ACOX2: variants seen among roughly 807,000 people sequenced by gnomAD.
The protein encoded by ACOX2 is acyl-CoA oxidase 2, also known as peroxisomal acyl-coenzyme A oxidase 2.
Under a neutral mutation model 77.5 loss-of-function variants are expected in ACOX2, and 59 were observed. The ratio of observed to expected loss-of-function variants is 0.76; its 90% CI spans 0.62 to 0.95. The LOEUF (loss-of-function observed/expected upper bound fraction) is 0.95, where lower values mean the gene tolerates loss of function less well. ACOX2 is among the 40% of genes least tolerant of loss of function. The pLI is 0.00. For synonymous variants in ACOX2, 317 were observed against 340.1 expected (o/e 0.93, Z 0.75); for missense variants, 837 against 880.4 (o/e 0.95, Z 0.62).
Position 58,531,254 on chromosome 3 carries a change from T to A in ACOX2, c.816A>T (p.Ala272=). 6.2e-7 allele frequency: 1 copy of A among 1,612,390 alleles called. No homozygotes were observed. Among genetic ancestry groups the A allele is most frequent in the Non-Finnish European group, 8.5e-7 (1 of 1,179,816 alleles). Residue 272 remains alanine (A), a synonymous_variant, in exon 7 of 15, where the codon GCA becomes GCT. Coordinates refer to ENST00000302819, the MANE Select transcript of ACOX2 (RefSeq NM_003500.4). The surrounding 1 kb of genome is among the most constrained non-coding windows in gnomAD (Gnocchi z 5.8). Reference sequence around the variant, plus strand: ...CCGGCCTCCCCAGATCTGTAACCTGTGCAAAGCGACTCAGCATGTTCTCCC... The same window carrying A: ...CCGGCCTCCCCAGATCTGTAACCTGAGCAAAGCGACTCAGCATGTTCTCCC... ...VPRENMLSRF[A]QVLPDGTYVK... is the part of the protein sequence containing the mutation.
At position 58,526,615 on chromosome 3, in the gene ACOX2, T is replaced by G; in HGVS notation, c.1197A>C (p.Glu399Asp). ...ACATCTCAGCTCCCTGGGTGCAGAA[T>G]TCTGACATCATGGCCTTCATGCCCG... ...LSTGMKAMMS[E>D]FCTQGAEMCR... Residue 399 changes from glutamate to aspartate, a missense_variant, in exon 10 of 15, where the codon GAA becomes GAC. By Grantham distance (45) the Glu-to-Asp change is conservative. Transcript: ENST00000302819. This position sits in a 1 kb window ranked among gnomAD's most constrained non-coding sequence, Gnocchi z 4.3. The G allele has an allele frequency of 6.2e-7, 1 of 1,614,182 alleles. No homozygotes were observed. The highest frequency in any genetic ancestry group is 8.5e-7 in the Non-Finnish European group (1 of 1,180,034).
At position 58,533,555 on chromosome 3, in the gene ACOX2, T is replaced by C; in HGVS notation, c.476-3A>G. ...CTCCAGGCCCTGAAGATATGTCCCT[T>C]AGGATCAAGGAGAGGTGTTAGACAT... On this transcript the variant is annotated splice_polypyrimidine_tract_variant and splice_region_variant and intron_variant, in intron 4 of 14. Coordinates refer to ENST00000302819, the MANE Select transcript of ACOX2 (RefSeq NM_003500.4). This position sits in a 1 kb window ranked among gnomAD's most constrained non-coding sequence, Gnocchi z 5.6. 1 of 1,613,620 alleles carries C rather than the reference T, an allele frequency of 6.2e-7. No homozygotes were observed.
In ACOX2 at chr3:58,508,929, C is replaced by T. The variant is rs950300380; in HGVS notation, c.1947G>A (p.Leu649=). 6.2e-7 allele frequency: 1 copy of T among 1,614,220 alleles called. No homozygotes were observed. Among genetic ancestry groups the T allele is most frequent in the African/African-American group, 1.3e-5 (1 of 75,072 alleles). ...GCYDGNVYER[L]FQWAQKSPTN... ...TTGGTGACTTCTGAGCCCACTGGAACAGGCGTTCGTAGACGTTTCCATCAT... is the reference window on the plus strand; with the variant it reads ...TTGGTGACTTCTGAGCCCACTGGAATAGGCGTTCGTAGACGTTTCCATCAT... The change falls in exon 14 of 15, where the codon CTG becomes CTA. Residue 649 remains leucine, a synonymous_variant. Transcript: ENST00000302819.
chr3:58,515,902 C>T lies in ACOX2; in HGVS notation c.1850+1304G>A, dbSNP rs1410404663. ...AATCAATCCTCCTACCTCAGCCTCC[C>T]GAGTAGCTGAGACTACAGGTGTGTG... On this transcript the variant is annotated intron_variant, in intron 13 of 14. Coordinates refer to ENST00000302819, the MANE Select transcript of ACOX2 (RefSeq NM_003500.4). The surrounding 1 kb of genome is among the most constrained non-coding windows in gnomAD (Gnocchi z 4.0). 6.6e-6 allele frequency among the ~76,000 whole-genome samples: 1 copy of T among 151,938 alleles called. No homozygotes were observed. The highest frequency in any genetic ancestry group is 6.6e-5 in the Admixed American group (1 of 15,254).
intron 5 of ACOX2, among the ~76,000 whole-genome samples, chr3:58,532,973 G>T (rs1201721795): frequency 2.6e-5 from 4 of 152,150 alleles, no homozygotes; most frequent in African/African-American, 9.7e-5. Context: ...GTGGCCTGAT[G>T]GGGGCTGGTG....
At chr3:58,527,476 C>T (rs1298102298) in intron 9 of ACOX2, among the ~76,000 whole-genome samples, 1 of 143,904 alleles carries the variant, frequency 6.9e-6, no homozygotes. Flanking sequence ...GCGGAGGTTG[C>T]AGTGAGCCAA....
rs72874376 is a variant in ACOX2, at chr3:58,526,313, A to T, written c.1346+153T>A. 0.12 allele frequency among the ~76,000 whole-genome samples: 18,845 copies of T among 152,092 alleles called. 2,008 individuals carry two copies. Among genetic ancestry groups the T allele is most frequent in the African/African-American group, 0.28 (11,780 of 41,478 alleles). ...AGAGAGGATGGTGGCCTAGAAGTGG[A>T]TAGGTTAGTCATACTGGGGAATTGG... On this transcript the variant is annotated intron_variant, in intron 10 of 14. Coordinates refer to ENST00000302819, the MANE Select transcript of ACOX2 (RefSeq NM_003500.4). This position sits in a 1 kb window ranked among gnomAD's most constrained non-coding sequence, Gnocchi z 4.3.
rs776721338 is a variant in ACOX2, at chr3:58,526,495, C to A, written c.1317G>T (p.Glu439Asp). The stretch of plus-strand genomic sequence containing the variant: ...CCACCTGCAGGTAGAGCACTGTGTT[C>A]TCACCCTCGTAGGTACAGGAGGCCG... ...KLSASCTYEG[E>D]NTVLYLQVAR... Residue 439 changes from glutamate to aspartate, a missense_variant, in exon 10 of 15, where the codon GAG becomes GAT. Glu to Asp is a conservative substitution (Grantham distance 45). Coordinates refer to ENST00000302819, the MANE Select transcript of ACOX2 (RefSeq NM_003500.4). The surrounding 1 kb of genome is among the most constrained non-coding windows in gnomAD (Gnocchi z 4.3). 6.2e-7 allele frequency: 1 copy of A among 1,613,956 alleles called. No individual in the cohort carries two copies. Among genetic ancestry groups the A allele is most frequent in the Admixed American group, 1.7e-5 (1 of 60,006 alleles).
rs1412476369 is a variant in ACOX2 at position 58,534,998 on chromosome 3, T to C, written c.109A>G (p.Thr37Ala). The C allele has an allele frequency of 3.5e-5, 56 of 1,614,110 alleles. No homozygotes were observed. The highest frequency in any genetic ancestry group is 4.3e-5 in the Non-Finnish European group (51 of 1,180,046). Residue 37 changes from threonine to alanine, a missense_variant, in exon 2 of 15, where the codon ACC becomes GCC. Thr to Ala is a moderately conservative substitution (Grantham distance 58). Coordinates refer to ENST00000302819, the MANE Select transcript of ACOX2 (RefSeq NM_003500.4). This position sits in a 1 kb window ranked among gnomAD's most constrained non-coding sequence, Gnocchi z 4.8. ...TGGGCACCTCCATCAAGGATGTTGGTGAGCCGTTCCACGTCAAAGGACTGC... is the reference window on the plus strand; with the variant it reads ...TGGGCACCTCCATCAAGGATGTTGGCGAGCCGTTCCACGTCAAAGGACTGC... ...YMQSFDVERL[T>A]NILDGGAQNT...
intron 13 of ACOX2, chr3:58,510,940 T>C: frequency 2.2e-6 from 1 of 456,262 alleles, no homozygotes; most frequent in Non-Finnish European, 4.4e-6. Context: ...TACTCATTGT[T>C]CATTTACTGT....
chr3:58,517,882 A>G (rs1437356537), intron 12 of ACOX2, among the ~76,000 whole-genome samples: 1 of 151,878 alleles, frequency 6.6e-6, no homozygotes, highest in Non-Finnish European at 1.5e-5. Flanking sequence ...TGAGACCAGT[A>G]TGACCAACAT....
intron 14 of ACOX2, among the ~76,000 whole-genome samples, chr3:58,508,471 C>T (rs996686079): frequency 6.6e-6 from 1 of 152,022 alleles, no homozygotes; most frequent in Non-Finnish European, 1.5e-5. Flanking sequence ...CTTCCTACCA[C>T]TTCTGAATAC....
In ACOX2 at chr3:58,533,978, A is replaced by G. The variant is rs771730913; in HGVS notation, c.475+16T>C. 1.9e-6 allele frequency: 3 copies of G among 1,613,988 alleles called. No homozygotes were observed. Among genetic ancestry groups the G allele is most frequent in the Non-Finnish European group, 2.5e-6 (3 of 1,179,926 alleles). Reference sequence around the variant, plus strand: ...AGTGCACAACCTAAACACCACACGCAGCAGTCCTAGCTCACCATGTCCCAA... The same window carrying G: ...AGTGCACAACCTAAACACCACACGCGGCAGTCCTAGCTCACCATGTCCCAA... On this transcript the variant is annotated intron_variant, in intron 4 of 14. Transcript: ENST00000302819. The surrounding 1 kb of genome is among the most constrained non-coding windows in gnomAD (Gnocchi z 5.6).
Position 58,524,594 on chromosome 3 carries a change from T to C in ACOX2, c.1358A>G (p.Lys453Arg). 6.2e-7 allele frequency: 1 copy of C among 1,613,886 alleles called. No individual in the cohort carries two copies. Among genetic ancestry groups the C allele is most frequent in the South Asian group, 1.1e-5 (1 of 91,084 alleles). The change falls in exon 11 of 15, where the codon AAG (lysine) becomes AGG (arginine). Residue 453 changes from lysine (K) to arginine (R), a missense_variant. Physicochemically the swap from Lys to Arg is conservative, Grantham distance 26 (BLOSUM62 2). Transcript: ENST00000302819. The surrounding 1 kb of genome is among the most constrained non-coding windows in gnomAD (Gnocchi z 5.5). ...LYLQVARFLV[K>R]SYLQTQMSPG... Reference sequence around the variant, plus strand: ...GGACATCTGAGTCTGCAGGTAGCTCTTCACCAGGAACCTGGGGGTTGGAAG... The same window carrying C: ...GGACATCTGAGTCTGCAGGTAGCTCCTCACCAGGAACCTGGGGGTTGGAAG...
At position 58,525,154 on chromosome 3, in the gene ACOX2, G is replaced by A. The variant is rs2108002326; in HGVS notation, c.1347-549C>T. 6.6e-6 allele frequency among the ~76,000 whole-genome samples: 1 copy of A among 152,192 alleles called. No homozygotes were observed. On this transcript the variant is annotated intron_variant, in intron 10 of 14. Transcript: ENST00000302819. The surrounding 1 kb of genome is among the most constrained non-coding windows in gnomAD (Gnocchi z 5.0). ...GTCTCTGTTTCTCTAGCTCTAGGTG[G>A]GGAGGACAGTTCTCATCTGATTGAG...
rs997457319 is a variant in ACOX2 at position 58,524,904 on chromosome 3, T to C, written c.1347-299A>G. On this transcript the variant is annotated intron_variant, in intron 10 of 14. Coordinates refer to ENST00000302819, the MANE Select transcript of ACOX2 (RefSeq NM_003500.4). The surrounding 1 kb of genome is among the most constrained non-coding windows in gnomAD (Gnocchi z 5.5). ...AATTTTCCATCAGAACACTGTGATT[T>C]TGGGATTTATAATGACTTGTACAGT... Among the ~76,000 whole-genome samples, 2 of 152,206 alleles carry C rather than the reference T, an allele frequency of 1.3e-5. No individual in the cohort carries two copies. Among genetic ancestry groups the C allele is most frequent in the Non-Finnish European group, 2.9e-5 (2 of 68,040 alleles).
chr3:58,505,436 A>T lies in ACOX2; in HGVS notation c.1984-150T>A, dbSNP rs1256562770. The T allele has an allele frequency of 3.2e-6, 2 of 626,190 alleles. No homozygotes were observed. Among genetic ancestry groups the T allele is most frequent in the Admixed American group, 7.5e-5 (2 of 26,670 alleles). The allele number at this position is 626,190 out of a possible 1,614,324, so 38.8% of individuals were successfully genotyped here. ...TATTTCTAAGACTCATTTTGTGTGA[A>T]CATATGGAGAAACATTTTTTCCAAA... is the stretch of plus-strand genomic sequence containing the variant. On this transcript the variant is annotated intron_variant, in intron 14 of 14. Transcript: ENST00000302819. This position sits in a 1 kb window ranked among gnomAD's most constrained non-coding sequence, Gnocchi z 4.4.
chr3:58,531,124 A>T lies in ACOX2; in HGVS notation c.819+127T>A. The T allele has an allele frequency of 1.3e-6, 1 of 763,626 alleles. No homozygotes were observed. Among genetic ancestry groups the T allele is most frequent in the Non-Finnish European group, 2.1e-6 (1 of 470,472 alleles). The allele number at this position is 763,626 out of a possible 1,614,324, so 47.3% of individuals were successfully genotyped here. On this transcript the variant is annotated intron_variant, in intron 7 of 14. Transcript: ENST00000302819. The surrounding 1 kb of genome is among the most constrained non-coding windows in gnomAD (Gnocchi z 5.8). ...TTCACCCCAATCTGTGGGATATCAG[A>T]GCCTCTCTTGGGGGAGGAGGTTATG... is the stretch of plus-strand genomic sequence containing the variant.
rs1180154354 is a variant in ACOX2 at position 58,528,893 on chromosome 3, G to A, written c.1056C>T (p.Ala352=). The A allele has an allele frequency of 6.2e-7, 1 of 1,613,690 alleles. No homozygotes were observed. Among genetic ancestry groups the A allele is most frequent in the African/African-American group, 1.3e-5 (1 of 75,060 alleles). The change falls in exon 9 of 15, where the codon GCC becomes GCT. Residue 352 remains alanine (A), a synonymous_variant. Transcript: ENST00000302819. The surrounding 1 kb of genome is among the most constrained non-coding windows in gnomAD (Gnocchi z 5.6). ...CCAGGAAATGGAAGGCATAACTGATGGCCAGCTGAGGAAAGAGTTTCTGCT... is the reference window on the plus strand; with the variant it reads ...CCAGGAAATGGAAGGCATAACTGATAGCCAGCTGAGGAAAGAGTTTCTGCT... ...TQQQKLFPQL[A]ISYAFHFLAV... is the part of the protein sequence containing the mutation.
Sources: allele counts gnomAD v4.1 joint callset (sites outside exome capture counted in the v4.1 genomes callset), GRCh38; gene constraint gnomAD v4.1.1; non-coding constraint Gnocchi (gnomAD v3.1); transcripts MANE v1.5; gene names NCBI Gene and HGNC (gene_info 2026-07-23, HGNC 2026-07-21).